The following CALN1 variants were observed in gnomAD, a reference collection of about 807,000 sequenced individuals.
CALN1 encodes calcium-binding protein 8.
In CALN1, 17 loss-of-function variants were observed where a neutral mutation model predicts 30.6. That is an observed-to-expected ratio of 0.56 (90% confidence interval 0.38 to 0.83). The LOEUF (loss-of-function observed/expected upper bound fraction) is 0.83, where lower values mean the gene tolerates loss of function less well. Ranked by LOEUF, CALN1 falls within the 40% of genes least tolerant of loss-of-function variation. The pLI is 0.00. For synonymous variants in CALN1, 156 were observed against 131.4 expected, an observed-to-expected ratio of 1.19 and a Z score of -1.28; for missense variants, 291 against 354.9, an observed-to-expected ratio of 0.82 and a Z score of 1.45.
At chr7:71,981,314 T>C (rs969358856) in intron 5 of CALN1, among the ~76,000 whole-genome samples, 1 of 152,032 alleles carries the variant, frequency 6.6e-6, no homozygotes, top group African/African-American at 2.4e-5. Flanking sequence ...CTTAAGACCC[T>C]TTCCAGAGAG....
At chr7:72,429,212 G>A (rs890824551) in intron 1 of CALN1, among the ~76,000 whole-genome samples, 6 of 152,108 alleles carry the variant, frequency 3.9e-5, no homozygotes, top group Non-Finnish European at 8.8e-5. Flanking sequence ...AACCTCAAGT[G>A]GATTCAGATA....
intron 2 of CALN1, among the ~76,000 whole-genome samples, chr7:72,335,112 G>A (rs1039475489): frequency 6.6e-6 from 1 of 152,140 alleles, no homozygotes; most frequent in Non-Finnish European, 1.5e-5. Context: ...CATGAGTACA[G>A]GTAGCAGATA....
chr7:72,089,758 C>A (rs1464134811), intron 4 of CALN1, among the ~76,000 whole-genome samples: 1 of 152,126 alleles, frequency 6.6e-6, no homozygotes, highest in Admixed American at 6.6e-5. Context: ...GAGGACAGAG[C>A]ATTGAAAATT....
At chr7:72,098,480 A>G (rs61193914) in intron 4 of CALN1, among the ~76,000 whole-genome samples, 34,491 of 151,836 alleles carry the variant, frequency 0.23, 4,840 homozygotes, top group East Asian at 0.69. Context: ...AAGGCTGGAG[A>G]ATCCCTTGAG....
chr7:71,854,431 G>C (rs550332874), intron 5 of CALN1, among the ~76,000 whole-genome samples: 1 of 152,230 alleles, frequency 6.6e-6, no homozygotes, highest in African/African-American at 2.4e-5. Flanking sequence ...GCATACAAAA[G>C]AGATATCAAT....
At chr7:72,119,310 G>A (rs1808215507) in intron 3 of CALN1, among the ~76,000 whole-genome samples, 1 of 150,808 alleles carries the variant, frequency 6.6e-6, no homozygotes, top group African/African-American at 2.4e-5. Flanking sequence ...AGAAGAGAGA[G>A]GACTTATGCA....
At chr7:72,259,158 G>A (rs531722408) in intron 3 of CALN1, among the ~76,000 whole-genome samples, 3 of 152,068 alleles carry the variant, frequency 2.0e-5, no homozygotes, top group African/African-American at 7.2e-5. Context: ...TGGAGAAGCA[G>A]TGACTCCCAG....
At chr7:71,953,291 C>G (rs937073884) in intron 5 of CALN1, among the ~76,000 whole-genome samples, 2 of 152,124 alleles carry the variant, frequency 1.3e-5, no homozygotes, top group African/African-American at 4.8e-5. Flanking sequence ...TCTGTTGGTG[C>G]CCACGGCTTC....
chr7:72,500,698 A>C, the CALN1 span, among the ~76,000 whole-genome samples: 30 of 152,162 alleles, frequency 2.0e-4, no homozygotes, highest in Middle Eastern at 3.4e-3. Flanking sequence ...CTAAAAAAAA[A>C]ACTAAAACTG....
intron 5 of CALN1, among the ~76,000 whole-genome samples, chr7:71,981,894 G>T (rs529356513): frequency 1.3e-5 from 2 of 152,246 alleles, no homozygotes; most frequent in Admixed American, 1.3e-4. Context: ...TGTGGTGGTG[G>T]TGGTACGAGA....
intron 3 of CALN1, among the ~76,000 whole-genome samples, chr7:72,138,622 A>C (rs898009575): frequency 2.0e-5 from 3 of 152,244 alleles, no homozygotes; most frequent in African/African-American, 4.8e-5. Flanking sequence ...GAGTTAGCTA[A>C]TCTTCAAAGA....
At chr7:72,245,564 G>A (rs1254300096) in intron 3 of CALN1, among the ~76,000 whole-genome samples, 1 of 151,160 alleles carries the variant, frequency 6.6e-6, no homozygotes, top group African/African-American at 2.4e-5. Flanking sequence ...GTTGCAGTGA[G>A]CCGAGATTGC....
chr7:72,027,757 AC>A (rs761126837), intron 4 of CALN1, among the ~76,000 whole-genome samples: 4 of 146,808 alleles, frequency 2.7e-5, no homozygotes, highest in Non-Finnish European at 6.0e-5. Context: ...ACACACACAC[AC>A]AAAAACACAT....
intron 3 of CALN1, among the ~76,000 whole-genome samples, chr7:72,245,389 C>T (rs887784355): frequency 9.9e-5 from 15 of 152,056 alleles, no homozygotes; most frequent in Admixed American, 1.3e-4. Context: ...GAGGCTGAGG[C>T]GGGTGGAGCA....
intron 2 of CALN1, among the ~76,000 whole-genome samples, chr7:72,365,803 A>G (rs532514311): frequency 3.3e-5 from 5 of 152,324 alleles, no homozygotes; most frequent in Admixed American, 6.5e-5. Flanking sequence ...ATTCTACCAT[A>G]TTGGCAAAGC....
the CALN1 span, among the ~76,000 whole-genome samples, chr7:72,487,762 GGTA>G: frequency 3.0e-3 from 292 of 97,962 alleles, no homozygotes; most frequent in African/African-American, 5.2e-3. Context: ...AGGAAGGAAG[GGTA>G]AAGAAAGAAA....
At chr7:72,059,018 GA>G (rs1258702353) in intron 4 of CALN1, among the ~76,000 whole-genome samples, 1 of 152,178 alleles carries the variant, frequency 6.6e-6, no homozygotes, top group East Asian at 1.9e-4. Context: ...CCTGGATTGT[GA>G]ACATCCAATT....
At chr7:72,043,074 T>A (rs1235036036) in intron 4 of CALN1, among the ~76,000 whole-genome samples, 1 of 152,200 alleles carries the variant, frequency 6.6e-6, no homozygotes, top group Non-Finnish European at 1.5e-5. Context: ...GGCCCTAATA[T>A]AGATCTTGCA....
intron 1 of CALN1, among the ~76,000 whole-genome samples, chr7:72,426,363 C>T (rs533542582): frequency 6.6e-6 from 1 of 152,322 alleles, no homozygotes; most frequent in East Asian, 1.9e-4. Context: ...GGGGGAGTTT[C>T]TCCCATGCTG....
Sources: allele counts gnomAD v4.1 joint callset (sites outside exome capture counted in the v4.1 genomes callset), GRCh38; gene constraint gnomAD v4.1.1; transcripts MANE v1.5; gene names NCBI Gene and HGNC (gene_info 2026-07-23, HGNC 2026-07-21).